The following BET1 variants were observed in gnomAD, a reference collection of about 807,000 sequenced individuals.
BET1 encodes Bet1 golgi vesicular membrane trafficking protein.
BET1 carries 9 observed loss-of-function variants against 13.9 expected under a neutral mutation model. The ratio of observed to expected loss-of-function variants is 0.65; its 90% confidence interval spans 0.39 to 1.13. The LOEUF is 1.13. Ranked by LOEUF, BET1 falls within the 50% of genes most tolerant of loss-of-function variation. The pLI is 0.01. For missense variants in BET1, 127 were observed against 133.6 expected (o/e 0.95, Z 0.24); for synonymous variants, 39 against 47.3 (o/e 0.82, Z 0.72).
chr7:93,967,582 T>C (rs1266347070), intron 6 of BET1, among the ~76,000 whole-genome samples: 2 of 151,954 alleles, frequency 1.3e-5, no homozygotes, highest in Admixed American at 6.6e-5. Context: ...AACCAGATTT[T>C]ATATCTATTT....
intron 1 of BET1, among the ~76,000 whole-genome samples, chr7:94,003,992 A>G (rs1028052931): frequency 1.3e-5 from 2 of 152,094 alleles, no homozygotes; most frequent in African/African-American, 4.8e-5. Flanking sequence ...CTACCATCCA[A>G]ACTTGAATCT....
At chr7:93,994,414 C>CACA (rs1491086963) in intron 3 of BET1, 29 bp from the exon 4 acceptor site, 1 of 1,597,896 alleles carries the variant, frequency 6.3e-7, no homozygotes, top group African/African-American at 1.3e-5. Flanking sequence ...AATAAAATAT[C>CACA]ACAGTTAGAT....
chr7:93,974,906 A>G (rs2116045643), intron 5 of BET1, among the ~76,000 whole-genome samples: 1 of 152,244 alleles, frequency 6.6e-6, no homozygotes, highest in South Asian at 2.1e-4. Context: ...CAACATAACC[A>G]ATAATTAGAT....
At chr7:93,975,761 G>T in intron 5 of BET1, 1 of 284,916 alleles carries the variant, frequency 3.5e-6, no homozygotes, top group Non-Finnish European at 5.9e-6. Context: ...ATGGGTATAG[G>T]TGGAAAATGC....
In BET1 at chr7:93,999,675, CT is replaced by C. The variant is rs533973212; in HGVS notation, c.20-382del. 94 of 456,912 alleles carry C rather than the reference CT, an allele frequency of 2.1e-4. 2 individuals carry two copies. The highest frequency in any genetic ancestry group is 1.3e-3 in the South Asian group (81 of 64,550). 28.3% of individuals were successfully genotyped at this position (456,912 alleles called of 1,614,324 possible). On this transcript the variant is annotated intron_variant, in intron 1 of 3. Coordinates refer to ENST00000222547, the MANE Select transcript of BET1 (RefSeq NM_005868.6). ...TCATCTACCCATTGAAAAAGCGTGG[CT>C]GTGAAGAGGAAGGGAAAAGTGGTTA...
intron 5 of BET1, among the ~76,000 whole-genome samples, chr7:93,974,212 C>T (rs1447797238): frequency 6.6e-6 from 1 of 151,920 alleles, no homozygotes; most frequent in Non-Finnish European, 1.5e-5. Context: ...AAGATAAATA[C>T]TGACATAAAC....
Position 93,975,929 on chromosome 7 carries a change from T to G in BET1, c.*23A>C, listed in dbSNP as rs76418558. ...TTCTTTCTTGGAAGATTTGGAAGGC[T>G]TCAGAGTCATTATTTTGACATGTCA... On this transcript the variant is annotated 3_prime_UTR_variant and NMD_transcript_variant, in exon 5 of 7. Coordinates refer to the BET1 transcript ENST00000357520. The G allele has an allele frequency of 2.9e-3, 3,520 of 1,218,576 alleles. 95 individuals are homozygous for G. In the African/African-American group the frequency reaches 0.05, roughly 17 times the overall value. 75.5% of individuals were successfully genotyped at this position (1,218,576 alleles called of 1,614,324 possible).
intron 4 of BET1, among the ~76,000 whole-genome samples, chr7:93,981,884 A>G (rs915862267): frequency 6.6e-6 from 1 of 152,188 alleles, no homozygotes; most frequent in African/African-American, 2.4e-5. Flanking sequence ...GCATTAAACT[A>G]TAAGACCAGT....
intron 1 of BET1, among the ~76,000 whole-genome samples, chr7:94,001,569 T>C (rs898289547): frequency 6.6e-6 from 1 of 152,196 alleles, no homozygotes; most frequent in African/African-American, 2.4e-5. Flanking sequence ...CATGACACAC[T>C]ATCCATGAAG....
Position 94,002,450 on chromosome 7 carries a change from C to CTT in BET1, c.19+1746_19+1747dup, listed in dbSNP as rs1338686067. ...ACTTCTCCTCTCAATCACAGAAGAG[C>CTT]TTTTTTTTAAAAAAAAAAAAAAAAG... On this transcript the variant is annotated intron_variant, in intron 1 of 3. Coordinates refer to ENST00000222547, the MANE Select transcript of BET1 (RefSeq NM_005868.6). 6.2e-3 allele frequency among the ~76,000 whole-genome samples: 604 copies of CTT among 97,252 alleles called. 7 individuals carry two copies. The highest frequency in any genetic ancestry group is 0.03 in the African/African-American group (577 of 19,228). 63.8% of individuals were successfully genotyped at this position (97,252 alleles called of 152,430 possible). A position where few individuals can be genotyped will look rare whatever the true frequency, so the allele number is the denominator to read the frequency against.
In BET1 at chr7:93,994,254, A is replaced by C. The variant is rs941154736; in HGVS notation, c.333T>G (p.Ile111Met). 1.7e-5 allele frequency: 27 copies of C among 1,608,052 alleles called. No individual in the cohort carries two copies. The highest frequency in any genetic ancestry group is 2.0e-5 in the Non-Finnish European group (23 of 1,178,074). The change falls in exon 4 of 4, where the codon ATT becomes ATG. Residue 111 changes from isoleucine (I) to methionine (M), a missense_variant. Physicochemically the swap from Ile to Met is conservative, Grantham distance 10. Transcript: ENST00000222547. ...ATCACCTCAGTTTAATAATCCAATAAATGATAAAAAAGACAAATAAAGAAA... is the reference window on the plus strand; with the variant it reads ...ATCACCTCAGTTTAATAATCCAATACATGATAAAAAAGACAAATAAAGAAA... ...MLFSLFVFFI[I>M]YWIIKLR
At chr7:93,974,197 T>G (rs1380184163) in intron 5 of BET1, among the ~76,000 whole-genome samples, 3 of 152,054 alleles carry the variant, frequency 2.0e-5, no homozygotes, top group African/African-American at 7.2e-5. Flanking sequence ...AATTCATCAT[T>G]TTTAAAGATA....
intron 4 of BET1, chr7:93,987,122 TTTTG>T (rs1795543164): frequency 1.3e-5 from 2 of 152,176 alleles, no homozygotes; most frequent in African/African-American, 4.8e-5. Context: ...TGTTTTTGTT[TTTTG>T]TTTTTTTAAT....
chr7:93,964,814 C>T (rs1427972314), exon 7 of BET1: 1 of 151,938 alleles, frequency 6.6e-6, no homozygotes, highest in East Asian at 1.9e-4. Context: ...ATTAAAAAGT[C>T]AAAAAATAAC....
At chr7:93,977,332 G>C (rs923984954) in intron 4 of BET1, among the ~76,000 whole-genome samples, 1 of 152,052 alleles carries the variant, frequency 6.6e-6, no homozygotes, top group Non-Finnish European at 1.5e-5. Flanking sequence ...CATGGGGCAG[G>C]CACCTCTAGT....
exon 7 of BET1, chr7:93,965,373 C>G (rs982310619): frequency 2.0e-5 from 3 of 151,912 alleles, no homozygotes; most frequent in Non-Finnish European, 4.4e-5. Flanking sequence ...GTGATTTTAA[C>G]AGTGGCAAAA....
chr7:93,996,644 T>C (rs932037859), intron 2 of BET1, among the ~76,000 whole-genome samples: 9 of 151,048 alleles, frequency 6.0e-5, no homozygotes, highest in African/African-American at 1.7e-4. Context: ...ATTATATTCC[T>C]ACAAAAGCTA....
chr7:93,976,223 G>T, intron 4 of BET1: 2 of 671,944 alleles, frequency 3.0e-6, no homozygotes, highest in South Asian at 2.9e-5. Context: ...GGTATTCAGA[G>T]AATTAATGGA....
intron 1 of BET1, among the ~76,000 whole-genome samples, chr7:94,001,004 G>A (rs559141736): frequency 3.4e-4 from 52 of 152,254 alleles, no homozygotes; most frequent in African/African-American, 1.2e-3. Context: ...GTCTCCATAT[G>A]CTCAATGAGC....
Sources: gnomAD v4.1 joint callset for allele counts (sites outside exome capture counted in the v4.1 genomes callset) on GRCh38, gnomAD v4.1.1 for gene constraint, MANE v1.5 for transcripts, NCBI Gene and HGNC (gene_info 2026-07-23, HGNC 2026-07-21) for gene names.